CXADR: variants seen among roughly 807,000 people sequenced by gnomAD.
CXADR encodes coxsackievirus and adenovirus receptor.
A neutral mutation model predicts 40.3 loss-of-function variants in CXADR; 20 were observed. That is an observed-to-expected ratio of 0.50 (90% confidence interval 0.35 to 0.72). The LOEUF (loss-of-function observed/expected upper bound fraction) is 0.72, where lower values mean the gene tolerates loss of function less well. CXADR is among the 30% of genes least tolerant of loss of function. The pLI, the probability that CXADR is intolerant of heterozygous loss-of-function variation, is 0.01. For missense variants in CXADR, 332 were observed against 449.1 expected (o/e 0.74, Z 2.36); for synonymous variants, 150 against 161.3 (o/e 0.93, Z 0.53).
intron 1 of CXADR, among the ~76,000 whole-genome samples, chr21:17,515,586 C>G (rs2060450327): frequency 1.3e-5 from 2 of 152,134 alleles, no homozygotes; most frequent in Admixed American, 6.5e-5. Context: ...CCGAGGCGGG[C>G]AGATCATGAG....
the CXADR span, among the ~76,000 whole-genome samples, chr21:17,601,049 G>A: frequency 6.6e-6 from 1 of 152,104 alleles, no homozygotes; most frequent in Non-Finnish European, 1.5e-5. Context: ...TGTAATCCCA[G>A]CTACTCGGGA....
rs190458602 is a variant in CXADR, at chr21:17,591,505, A to G, written c.1018-1647A>G. Among the ~76,000 whole-genome samples the G allele has an allele frequency of 4.6e-5, 7 of 152,128 alleles. 1 individual carries two copies. Among genetic ancestry groups the G allele is most frequent in the Admixed American group, 3.3e-4 (5 of 15,248 alleles). On this transcript the variant is annotated intron_variant, in intron 7 of 7. Coordinates refer to the CXADR transcript ENST00000400169. ...CTTTATTATCTTAACTTGGAACCACAGAAGTTTACTAAAAAGTTAAATACT... is the reference window on the plus strand; with the variant it reads ...CTTTATTATCTTAACTTGGAACCACGGAAGTTTACTAAAAAGTTAAATACT...
At chr21:17,521,021 T>C (rs2060523498) in intron 1 of CXADR, among the ~76,000 whole-genome samples, 1 of 152,146 alleles carries the variant, frequency 6.6e-6, no homozygotes. Context: ...TGATACAGAC[T>C]TGAGAATTCA....
intron 1 of CXADR, among the ~76,000 whole-genome samples, chr21:17,537,508 T>G (rs1441005772): frequency 1.3e-5 from 2 of 152,220 alleles, no homozygotes; most frequent in Non-Finnish European, 2.9e-5. Context: ...TATGCAGTTA[T>G]GCAGTTGCCT....
the CXADR span, chr21:17,605,280 AC>A: frequency 8.3e-6 from 2 of 241,870 alleles, no homozygotes; most frequent in Non-Finnish European, 1.6e-5. Flanking sequence ...TTAAATGAGC[AC>A]GGAGTATGAA....
chr21:17,624,716 G>T, the CXADR span, among the ~76,000 whole-genome samples: 1 of 152,128 alleles, frequency 6.6e-6, no homozygotes, highest in East Asian at 1.9e-4. Context: ...CAGGTGCCAG[G>T]CATGTGGGCA....
intron 1 of CXADR, among the ~76,000 whole-genome samples, chr21:17,540,943 CTTGT>C (rs1231549702): frequency 6.6e-6 from 1 of 152,024 alleles, no homozygotes; most frequent in Non-Finnish European, 1.5e-5. Flanking sequence ...TGTGTGCTCT[CTTGT>C]TAATCTTTTT....
At chr21:17,606,384 A>G in the CXADR span, among the ~76,000 whole-genome samples, 1 of 152,172 alleles carries the variant, frequency 6.6e-6, no homozygotes, top group African/African-American at 2.4e-5. Context: ...CACCATTAAC[A>G]ATATAACAAA....
chr21:17,528,343 G>T (rs1303236436), intron 1 of CXADR, among the ~76,000 whole-genome samples: 1 of 151,684 alleles, frequency 6.6e-6, no homozygotes, highest in African/African-American at 2.4e-5. Context: ...CAAAGTGCTG[G>T]GATTACAGGT....
chr21:17,568,490 A>G lies in CXADR; in HGVS notation c.*2798A>G, dbSNP rs1324028090. 10 of 960,460 alleles carry G rather than the reference A, an allele frequency of 1.0e-5. No homozygotes were observed. The highest frequency in any genetic ancestry group is 1.1e-5 in the Non-Finnish European group (9 of 821,834). 59.5% of individuals were successfully genotyped at this position (960,460 alleles called of 1,614,324 possible). A position where few individuals can be genotyped will look rare whatever the true frequency, so the allele number is the denominator to read the frequency against. On this transcript the variant is annotated 3_prime_UTR_variant, in exon 7 of 7. Coordinates refer to ENST00000284878, the MANE Select transcript of CXADR (RefSeq NM_001338.5). ...CTTTATAACTGAGAGACTTGATACCATCCATCTCTTTAGGTTACAGAGGAT... is the reference window on the plus strand; with the variant it reads ...CTTTATAACTGAGAGACTTGATACCGTCCATCTCTTTAGGTTACAGAGGAT...
In CXADR at chr21:17,593,134, C is replaced by CT. The variant is rs1237127186; in HGVS notation, c.1018-11dup. On this transcript the variant is annotated splice_polypyrimidine_tract_variant and intron_variant, in intron 7 of 7. Coordinates refer to the CXADR transcript ENST00000400169. ...AATCAAAACTCTTATAGAGATATCT[C>CT]TTTTTTTCTTTTTGTAGTTCAAGTA... is the stretch of plus-strand genomic sequence containing the variant. The CT allele has an allele frequency of 6.4e-6, 9 of 1,402,548 alleles. No individual in the cohort carries two copies. In the East Asian group the frequency reaches 1.4e-4, roughly 21 times the overall value. The allele number at this position is 1,402,548 out of a possible 1,614,324, so 86.9% of individuals were successfully genotyped here.
chr21:17,563,940 C>CAAAAAAAAAAAAAAAAAAAAAAAA lies in CXADR; in HGVS notation c.834-1467_834-1466insAAAAAAAAAAAAAAAAAAAAAAAA, dbSNP rs35020228. On this transcript the variant is annotated intron_variant, in intron 6 of 6. Coordinates refer to ENST00000284878, the MANE Select transcript of CXADR (RefSeq NM_001338.5). Reference sequence around the variant, plus strand: ...TGGGCAACAGAGCAAGACTCTGTCTCAAAAAAAAAAAAAAAAAAAAAGGTA... The same window carrying CAAAAAAAAAAAAAAAAAAAAAAAA: ...TGGGCAACAGAGCAAGACTCTGTCTCAAAAAAAAAAAAAAAAAAAAAAAAAAAAAAAAAAAAAAAAAAAAAGGTA... Among the ~76,000 whole-genome samples the CAAAAAAAAAAAAAAAAAAAAAAAA allele has an allele frequency of 1.9e-3, 72 of 37,194 alleles. 4 individuals carry two copies. Among genetic ancestry groups the CAAAAAAAAAAAAAAAAAAAAAAAA allele is most frequent in the Non-Finnish European group, 3.3e-3 (59 of 17,672 alleles). 24.4% of individuals were successfully genotyped at this position (37,194 alleles called of 152,430 possible).
chr21:17,600,956 G>A, the CXADR span, among the ~76,000 whole-genome samples: 7 of 152,250 alleles, frequency 4.6e-5, no homozygotes, highest in Admixed American at 4.6e-4. Flanking sequence ...GAGGTCAGGC[G>A]TTCGAGGCCA....
chr21:17,524,426 G>T (rs955893134), intron 1 of CXADR, among the ~76,000 whole-genome samples: 1 of 151,634 alleles, frequency 6.6e-6, no homozygotes, highest in Non-Finnish European at 1.5e-5. Flanking sequence ...GCTGGGCGTG[G>T]TGGTGTGTGC....
At chr21:17,530,359 G>T (rs1049609738) in intron 1 of CXADR, 3 of 444,524 alleles carry the variant, frequency 6.7e-6, no homozygotes, top group Admixed American at 5.0e-5. Context: ...TGTGTTTTTT[G>T]TCTTATTTTA....
chr21:17,573,131 G>C (rs772320712), downstream of CXADR, among the ~76,000 whole-genome samples: 8 of 152,164 alleles, frequency 5.3e-5, no homozygotes, highest in Non-Finnish European at 4.4e-5. Flanking sequence ...TGGCTTGTAG[G>C]TGACCATTTT....
intron 7 of CXADR, among the ~76,000 whole-genome samples, chr21:17,582,997 G>A (rs901708665): frequency 3.3e-5 from 5 of 152,178 alleles, no homozygotes; most frequent in African/African-American, 1.2e-4. Flanking sequence ...GCGATTCTGG[G>A]AGGAGAGAAC....
At chr21:17,574,998 C>CACACAT (rs1555875112), downstream of CXADR, among the ~76,000 whole-genome samples, 37 of 38,100 alleles carry the variant, frequency 9.7e-4, no homozygotes, top group African/African-American at 2.0e-3. Flanking sequence ...TATATACACA[C>CACACAT]ACATACATAC....
At position 17,528,068 on chromosome 21, in the gene CXADR, CTTTTTTTTT is replaced by C. The variant is rs35477813; in HGVS notation, c.43+14911_43+14919del. Among the ~76,000 whole-genome samples, 137 of 78,358 alleles carry C rather than the reference CTTTTTTTTT, an allele frequency of 1.7e-3. 1 individual carries two copies. The highest frequency in any genetic ancestry group is 6.5e-3 in the African/African-American group (129 of 19,718). 51.4% of individuals were successfully genotyped at this position (78,358 alleles called of 152,430 possible). A position where few individuals can be genotyped will look rare whatever the true frequency, so the allele number is the denominator to read the frequency against. ...GTGCTCTCCTTATGCTTAGTTCTTT[CTTTTTTTTT>C]TTTTTTTTTTTTTTGAGACAGAGTC... On this transcript the variant is annotated intron_variant, in intron 1 of 6. Coordinates refer to ENST00000284878, the MANE Select transcript of CXADR (RefSeq NM_001338.5).
Sources: allele counts gnomAD v4.1 joint callset (sites outside exome capture counted in the v4.1 genomes callset), GRCh38; gene constraint gnomAD v4.1.1; transcripts MANE v1.5; gene names NCBI Gene and HGNC (gene_info 2026-07-23, HGNC 2026-07-21).